The following SEMA4B variants were observed in gnomAD, a reference collection of about 807,000 sequenced individuals.
SEMA4B encodes semaphorin-4B.
In SEMA4B, 55 loss-of-function variants were observed where a neutral mutation model predicts 88.1. The observed-to-expected ratio is 0.62, with a 90% CI of 0.50 to 0.78. The LOEUF is 0.78. Among genes scored for constraint, SEMA4B ranks in the 30% least tolerant of loss-of-function variants. The pLI, the probability that SEMA4B is intolerant of heterozygous loss-of-function variation, is 0.00. For synonymous variants in SEMA4B, 525 were observed against 473.6 expected (o/e 1.11, Z -1.41); for missense variants, 1,062 against 1,111.9 (o/e 0.96, Z 0.64).
At chr15:90,222,706 G>C (rs1307379188) in intron 7 of SEMA4B, among the ~76,000 whole-genome samples, 1 of 152,090 alleles carries the variant, frequency 6.6e-6, no homozygotes, top group Non-Finnish European at 1.5e-5. Flanking sequence ...TAGGATCTTG[G>C]GCAAGTCCCT....
At chr15:90,197,859 A>T (rs1596122439), upstream of SEMA4B, among the ~76,000 whole-genome samples, 1 of 152,118 alleles carries the variant, frequency 6.6e-6, no homozygotes, top group Admixed American at 6.6e-5. Context: ...AGTTTTCAAC[A>T]TGACTTCAGT....
Position 90,228,342 on chromosome 15 carries a change from A to T in SEMA4B, c.2213A>T (p.Tyr738Phe). The T allele has an allele frequency of 6.2e-7, 1 of 1,601,024 alleles. No homozygotes were observed. The highest frequency in any genetic ancestry group is 8.5e-7 in the Non-Finnish European group (1 of 1,173,152). ...AVLLPVLFLL[Y>F]RHRNSMKVFL... is the part of the protein sequence containing the mutation. ...CTGCTCCCAGTTTTATTCTTGCTCT[A>T]CCGGCACCGGAACAGCATGAAAGTC... Residue 738 changes from tyrosine (Y) to phenylalanine (F), a missense_variant, in exon 14 of 14, where the codon TAC becomes TTC. Transcript: ENST00000411539.
intron 7 of SEMA4B, 46 bp downstream of exon 7, chr15:90,221,811 G>A: frequency 6.3e-7 from 1 of 1,589,782 alleles, no homozygotes; most frequent in South Asian, 1.1e-5. Flanking sequence ...GGACCTCAAA[G>A]CCTCCACAGC....
At chr15:90,209,402 T>C (rs911579299) in intron 1 of SEMA4B, among the ~76,000 whole-genome samples, 5 of 151,270 alleles carry the variant, frequency 3.3e-5, no homozygotes, top group African/African-American at 1.2e-4. Context: ...AAAATATATA[T>C]ATATATACAA....
chr15:90,215,602 A>G (rs1430123185), intron 1 of SEMA4B, among the ~76,000 whole-genome samples: 2 of 152,060 alleles, frequency 1.3e-5, no homozygotes, highest in Non-Finnish European at 2.9e-5. Flanking sequence ...GCTTGAAGCC[A>G]GGAGTTCGAG....
intron 8 of SEMA4B, 28 bp from the exon 9 acceptor site, chr15:90,223,810 T>C (rs368231802): frequency 6.2e-7 from 1 of 1,610,736 alleles, no homozygotes; most frequent in African/African-American, 1.3e-5. Flanking sequence ...CCAGGGCTCC[T>C]GGGTTAATCT....
chr15:90,220,788 G>T (rs182542216), intron 4 of SEMA4B, among the ~76,000 whole-genome samples, 194 bp from the exon 5 acceptor site: 138 of 152,302 alleles, frequency 9.1e-4, no homozygotes, highest in African/African-American at 3.2e-3. Context: ...TCCTGAGGCC[G>T]ACTGTCCAGG....
chr15:90,227,852 G>C, intron 13 of SEMA4B, 52 bp from the exon 14 acceptor site: 2 of 1,601,650 alleles, frequency 1.2e-6, no homozygotes, highest in Non-Finnish European at 8.5e-7. Flanking sequence ...GGGGAGCTTG[G>C]AGCTACTGTG....
chr15:90,197,839 T>A (rs1372790485), upstream of SEMA4B, among the ~76,000 whole-genome samples: 1 of 152,148 alleles, frequency 6.6e-6, no homozygotes. Context: ...AAATGTATGA[T>A]AATAGAATCA....
In SEMA4B at chr15:90,228,185, G is replaced by T; in HGVS notation, c.2056G>T (p.Gly686Cys). The T allele has an allele frequency of 6.2e-7, 1 of 1,610,498 alleles. No homozygotes were observed. Among genetic ancestry groups the T allele is most frequent in the Non-Finnish European group, 8.5e-7 (1 of 1,178,412 alleles). Residue 686 changes from glycine to cysteine, a missense_variant, in exon 14 of 14, where the codon GGT (glycine) becomes TGT (cysteine). Physicochemically the swap from Gly to Cys is radical, Grantham distance 159. Coordinates refer to ENST00000411539, the MANE Select transcript of SEMA4B (RefSeq NM_198925.4). Reference sequence around the variant, plus strand: ...CGGGGTGGCAGACCAAACAGATGAGGGTGGCAGTGTACCCGTCATTATCAG... The same window carrying T: ...CGGGGTGGCAGACCAAACAGATGAGTGTGGCAGTGTACCCGTCATTATCAG... Reference protein sequence around the residue: ...EDGVADQTDEGGSVPVIISTS... With the variant: ...EDGVADQTDECGSVPVIISTS...
At chr15:90,196,155 C>T (rs1282352846) in intron 1 of SEMA4B, among the ~76,000 whole-genome samples, 1 of 143,394 alleles carries the variant, frequency 7.0e-6, no homozygotes, top group Non-Finnish European at 1.5e-5. Context: ...GTCTCGATCT[C>T]CTGACCTCGT....
At chr15:90,189,517 TC>T (rs1960282985) in intron 1 of SEMA4B, among the ~76,000 whole-genome samples, 1 of 152,310 alleles carries the variant, frequency 6.6e-6, no homozygotes, top group Admixed American at 6.5e-5. Context: ...TTTGGCACAA[TC>T]CTCACTTATA....
chr15:90,215,987 A>ATTTTTTTTTTTTTTTTTT (rs1002077767), intron 1 of SEMA4B, among the ~76,000 whole-genome samples: 1 of 140,282 alleles, frequency 7.1e-6, no homozygotes. Flanking sequence ...TATTTCCTCC[A>ATTTTTTTTTTTTTTTTTT]TTTTTTTTTT....
chr15:90,201,037 G>C (rs1238923464), upstream of SEMA4B, among the ~76,000 whole-genome samples: 1 of 152,200 alleles, frequency 6.6e-6, no homozygotes, highest in African/African-American at 2.4e-5. Flanking sequence ...CGGGGACGCA[G>C]CGTGTCCCCA....
chr15:90,187,712 A>G (rs1380766928), intron 1 of SEMA4B, among the ~76,000 whole-genome samples: 1 of 152,184 alleles, frequency 6.6e-6, no homozygotes, highest in East Asian at 1.9e-4. Flanking sequence ...GAAAGTGTCT[A>G]AAGAAAGGTG....
Position 90,228,706 on chromosome 15 carries a change from C to G in SEMA4B, c.*63C>G. On this transcript the variant is annotated 3_prime_UTR_variant, in exon 14 of 14. Coordinates refer to ENST00000411539, the MANE Select transcript of SEMA4B (RefSeq NM_198925.4). ...GCTGTGAATGCTCGGAGAGGGTCAACTGGACCTCCCCTCCGCTCTGCTCTT... is the reference window on the plus strand; with the variant it reads ...GCTGTGAATGCTCGGAGAGGGTCAAGTGGACCTCCCCTCCGCTCTGCTCTT... The G allele has an allele frequency of 1.9e-6, 3 of 1,595,700 alleles. No individual in the cohort carries two copies. The highest frequency in any genetic ancestry group is 2.6e-6 in the Non-Finnish European group (3 of 1,169,822).
chr15:90,206,784 A>G (rs1034896469), intron 1 of SEMA4B: 52 of 747,646 alleles, frequency 7.0e-5, no homozygotes, highest in African/African-American at 6.4e-4. Flanking sequence ...TGTGCTGAGC[A>G]CCAAATCAAC....
intron 1 of SEMA4B, chr15:90,206,751 A>G: frequency 1.3e-6 from 1 of 772,128 alleles, no homozygotes; most frequent in Admixed American, 1.8e-5. Flanking sequence ...GAGACTGTGT[A>G]TGTCAAGTTG....
chr15:90,221,279 C>T (rs1413937403), intron 5 of SEMA4B, 88 bp from the exon 6 acceptor site: 13 of 1,259,764 alleles, frequency 1.0e-5, no homozygotes, highest in East Asian at 2.5e-5. Context: ...ACAGGCAAAA[C>T]GGGCAGTGCT....
Sources: allele counts gnomAD v4.1 joint callset (sites outside exome capture counted in the v4.1 genomes callset), GRCh38; gene constraint gnomAD v4.1.1; transcripts MANE v1.5; gene names NCBI Gene and HGNC (gene_info 2026-07-23, HGNC 2026-07-21).